Variants in CHSY3 observed in about 807,000 individuals in gnomAD.
CHSY3 encodes chondroitin sulfate synthase 3.
Under a neutral mutation model 67.2 loss-of-function variants are expected in CHSY3, and 35 were observed. That is an observed-to-expected ratio of 0.52 (90% CI 0.40 to 0.69). CHSY3 has a LOEUF of 0.69. Among genes scored for constraint, CHSY3 ranks in the 30% least tolerant of loss-of-function variants. CHSY3 has a pLI of 0.00. For missense variants in CHSY3, 1,069 were observed against 1,138.5 expected (o/e 0.94, Z 0.88); for synonymous variants, 474 against 434.7 (o/e 1.09, Z -1.12).
At chr5:130,173,859 AC>A (rs1769967766) in intron 2 of CHSY3, among the ~76,000 whole-genome samples, 1 of 151,570 alleles carries the variant, frequency 6.6e-6, no homozygotes, top group African/African-American at 2.4e-5. Context: ...TACCATTATT[AC>A]CAGAGAAGTA....
intron 2 of CHSY3, among the ~76,000 whole-genome samples, chr5:129,925,504 T>C (rs984817239): frequency 1.3e-5 from 2 of 152,198 alleles, no homozygotes; most frequent in Non-Finnish European, 2.9e-5. Context: ...GATATATGTA[T>C]ACATTATGGA....
At position 129,942,383 on chromosome 5, in the gene CHSY3, A is replaced by G. The variant is rs1231787606; in HGVS notation, c.1086+34023A>G. Among the ~76,000 whole-genome samples the G allele has an allele frequency of 5.3e-5, 8 of 152,156 alleles. No individual in the cohort carries two copies. The East Asian group carries it at 1.3e-3, about 26-fold the overall frequency. On this transcript the variant is annotated intron_variant, in intron 2 of 2. Transcript: ENST00000305031. Reference sequence around the variant, plus strand: ...ATAAATGTTGATCCCTAAAATTTCTATTATATATTTGGAGAATTACATTAG... The same window carrying G: ...ATAAATGTTGATCCCTAAAATTTCTGTTATATATTTGGAGAATTACATTAG...
intron 2 of CHSY3, among the ~76,000 whole-genome samples, chr5:130,048,527 A>G (rs879753090): frequency 6.6e-6 from 1 of 151,684 alleles, no homozygotes; most frequent in Admixed American, 6.6e-5. Context: ...TGCAGCTTGG[A>G]GTGGAGGAAG....
At chr5:130,135,333 C>T (rs1002011813) in intron 2 of CHSY3, among the ~76,000 whole-genome samples, 1 of 151,944 alleles carries the variant, frequency 6.6e-6, no homozygotes, top group Admixed American at 6.6e-5. Context: ...CACTCAATCA[C>T]ATCTCTTTAA....
At chr5:130,124,179 AG>A (rs1768174846) in intron 2 of CHSY3, among the ~76,000 whole-genome samples, 1 of 152,106 alleles carries the variant, frequency 6.6e-6, no homozygotes, top group African/African-American at 2.4e-5. Context: ...ATAGCTCTTA[AG>A]TGATAACAAC....
At chr5:130,106,186 C>A (rs149587708) in intron 2 of CHSY3, among the ~76,000 whole-genome samples, 21 of 151,688 alleles carry the variant, frequency 1.4e-4, no homozygotes, top group African/African-American at 4.8e-4. Context: ...AATATAAATT[C>A]TGTGATAATT....
chr5:130,152,762 C>T (rs1313777511), intron 2 of CHSY3, among the ~76,000 whole-genome samples: 1 of 149,116 alleles, frequency 6.7e-6, no homozygotes, highest in Non-Finnish European at 1.5e-5. Flanking sequence ...TATTTAATGC[C>T]CTTGGAACAT....
At chr5:129,933,134 A>T (rs188787532) in intron 2 of CHSY3, among the ~76,000 whole-genome samples, 3 of 152,288 alleles carry the variant, frequency 2.0e-5, no homozygotes, top group Admixed American at 2.0e-4. Context: ...AACCTCCTCC[A>T]TGATTGGAGG....
chr5:130,054,116 C>T (rs765571961), intron 2 of CHSY3, among the ~76,000 whole-genome samples: 16 of 152,214 alleles, frequency 1.1e-4, no homozygotes, highest in Admixed American at 2.0e-4. Flanking sequence ...TTTACTTTCA[C>T]GCTTTGTATC....
chr5:129,918,920 A>G (rs1760822916), intron 2 of CHSY3, among the ~76,000 whole-genome samples: 1 of 149,018 alleles, frequency 6.7e-6, no homozygotes, highest in Non-Finnish European at 1.5e-5. Context: ...ATCCTGGCTA[A>G]CAAGGTGAAA....
chr5:130,045,005 T>G (rs1006221024), intron 2 of CHSY3, among the ~76,000 whole-genome samples: 1 of 152,150 alleles, frequency 6.6e-6, no homozygotes, highest in Non-Finnish European at 1.5e-5. Context: ...TTTGTTTTGC[T>G]TTGAGACAGG....
chr5:129,983,763 G>A (rs187009399), intron 2 of CHSY3, among the ~76,000 whole-genome samples: 189 of 152,168 alleles, frequency 1.2e-3, no homozygotes, highest in South Asian at 5.4e-3. Context: ...GGGGAATTGA[G>A]TGTCAGAGAA....
At chr5:129,964,500 G>C in intron 2 of CHSY3, among the ~76,000 whole-genome samples, 1 of 151,784 alleles carries the variant, frequency 6.6e-6, no homozygotes, top group Non-Finnish European at 1.5e-5. Context: ...TGTGCATTCA[G>C]ATATAGGACT....
chr5:130,041,647 A>G (rs1367180716), intron 2 of CHSY3, among the ~76,000 whole-genome samples: 4 of 152,124 alleles, frequency 2.6e-5, no homozygotes, highest in African/African-American at 4.8e-5. Context: ...AAATAAGCAA[A>G]GAGAGAGAGT....
rs1766011186 is a variant in CHSY3, at chr5:130,070,134, C to T, written c.1087-114095C>T. ...AGATCTTATAGCTGTTTTACAAACA[C>T]AGTCCATTCTTTAGAACTTCAGAAA... On this transcript the variant is annotated intron_variant, in intron 2 of 2. Coordinates refer to ENST00000305031, the MANE Select transcript of CHSY3 (RefSeq NM_175856.5). 2.0e-5 allele frequency among the ~76,000 whole-genome samples: 3 copies of T among 152,004 alleles called. No individual in the cohort carries two copies. In the South Asian group the frequency reaches 6.2e-4, roughly 31 times the overall value.
rs534583648 is a variant in CHSY3, at chr5:130,129,409, G to A, written c.1087-54820G>A. 3.1e-3 allele frequency among the ~76,000 whole-genome samples: 475 copies of A among 152,212 alleles called. 4 individuals carry two copies. Among genetic ancestry groups the A allele is most frequent in the African/African-American group, 0.011 (443 of 41,548 alleles). On this transcript the variant is annotated intron_variant, in intron 2 of 2. Coordinates refer to ENST00000305031, the MANE Select transcript of CHSY3 (RefSeq NM_175856.5). ...ATGTAAGGTGCAAACTTTTAGGTGA[G>A]CAACTGGATCACTTAGCTTTGTTGG... is the stretch of plus-strand genomic sequence containing the variant.
chr5:129,991,163 G>A (rs1199610570), intron 2 of CHSY3, among the ~76,000 whole-genome samples: 2 of 152,088 alleles, frequency 1.3e-5, no homozygotes, highest in African/African-American at 2.4e-5. Context: ...TTGAAGAATA[G>A]CATAACTGAA....
chr5:129,990,859 A>G (rs1453912470), intron 2 of CHSY3, among the ~76,000 whole-genome samples: 1 of 152,164 alleles, frequency 6.6e-6, no homozygotes, highest in Non-Finnish European at 1.5e-5. Context: ...TAAGGTGGTA[A>G]CATGATGGTT....
chr5:129,945,042 T>C (rs1185753642), intron 2 of CHSY3, among the ~76,000 whole-genome samples: 2 of 152,260 alleles, frequency 1.3e-5, no homozygotes, highest in East Asian at 3.8e-4. Context: ...TTTCTTTTCA[T>C]TTCTTTGAAT....
Sources: allele counts gnomAD v4.1 joint callset (sites outside exome capture counted in the v4.1 genomes callset), GRCh38; gene constraint gnomAD v4.1.1; transcripts MANE v1.5; gene names NCBI Gene and HGNC (gene_info 2026-07-23, HGNC 2026-07-21).